ROBO2: variants seen among roughly 807,000 people sequenced by gnomAD.
ROBO2 encodes roundabout homolog 2.
Under a neutral mutation model 160.8 loss-of-function variants are expected in ROBO2, and 53 were observed. The observed-to-expected ratio is 0.33, with a 90% CI of 0.26 to 0.41. The LOEUF is 0.41. ROBO2 is among the 10% of genes least tolerant of loss of function. ROBO2 has a pLI of 1.00. For missense variants in ROBO2, 1,577 were observed against 1,722.4 expected, an observed-to-expected ratio of 0.92 and a Z score of 1.49; for synonymous variants, 664 against 611.7, an observed-to-expected ratio of 1.09 and a Z score of -1.26.
chr3:76,475,412 G>T (rs1345833312), intron 2 of ROBO2, among the ~76,000 whole-genome samples: 1 of 152,124 alleles, frequency 6.6e-6, no homozygotes, highest in African/African-American at 2.4e-5. Flanking sequence ...CCATGGTGAG[G>T]ATGTTGGATT....
chr3:76,634,809 C>CGCAGCAGGAGGTGA, intron 2 of ROBO2, among the ~76,000 whole-genome samples: 1 of 152,308 alleles, frequency 6.6e-6, no homozygotes, highest in Admixed American at 6.5e-5. Flanking sequence ...AACCTGGCCA[C>CGCAGCAGGAGGTGA]GCAGCAGGAG....
chr3:75,954,672 A>G (rs1423773510), intron 2 of ROBO2, among the ~76,000 whole-genome samples: 1 of 151,924 alleles, frequency 6.6e-6, no homozygotes, highest in African/African-American at 2.4e-5. Flanking sequence ...AAAGTTGTGT[A>G]CTGTACCTCT....
chr3:76,517,666 C>T (rs1656418547), intron 2 of ROBO2, among the ~76,000 whole-genome samples: 1 of 152,120 alleles, frequency 6.6e-6, no homozygotes, highest in Non-Finnish European at 1.5e-5. Context: ...TATTGCTATT[C>T]CTGTTTTATA....
chr3:76,139,679 T>C (rs1398594119), intron 2 of ROBO2, among the ~76,000 whole-genome samples: 1 of 152,032 alleles, frequency 6.6e-6, no homozygotes, highest in African/African-American at 2.4e-5. Flanking sequence ...TAAAAAGCAG[T>C]TATAAAACCT....
chr3:77,569,758 T>G lies in ROBO2; in HGVS notation c.1971+1324T>G, dbSNP rs182981405. Among the ~76,000 whole-genome samples, 811 of 152,046 alleles carry G rather than the reference T, an allele frequency of 5.3e-3. 5 individuals carry two copies. The highest frequency in any genetic ancestry group is 9.5e-3 in the Non-Finnish European group (644 of 67,928). ...CTATTCAGGCTTTTTTTGTTATTGT[T>G]CCATGTTGTTACTCCTTAAAGCAAA... On this transcript the variant is annotated intron_variant, in intron 13 of 25. Transcript: ENST00000461745.
At chr3:76,535,900 G>C (rs2082471441) in intron 2 of ROBO2, among the ~76,000 whole-genome samples, 1 of 152,172 alleles carries the variant, frequency 6.6e-6, no homozygotes, top group African/African-American at 2.4e-5. Flanking sequence ...CGAGGTGATT[G>C]GGCAGTGTCT....
intron 2 of ROBO2, among the ~76,000 whole-genome samples, chr3:76,145,793 A>C (rs1422581874): frequency 6.6e-6 from 1 of 152,066 alleles, no homozygotes; most frequent in Non-Finnish European, 1.5e-5. Context: ...AATTAGACAA[A>C]TCTGAATTGT....
intron 2 of ROBO2, among the ~76,000 whole-genome samples, chr3:76,346,278 C>T (rs35110326): frequency 0.39 from 58,680 of 150,052 alleles, 13,863 homozygotes; most frequent in South Asian, 0.53. Flanking sequence ...GACAGAGTCT[C>T]GCTCTGTTGC....
At position 77,448,638 on chromosome 3, in the gene ROBO2, G is replaced by T. The variant is rs1204436615; in HGVS notation, c.389-28776G>T. On this transcript the variant is annotated intron_variant, in intron 2 of 25. Transcript: ENST00000461745. Reference sequence around the variant, plus strand: ...TAGTCTGCGTACATTTCACTGCCTGGCACAGAGTATATATTAAGGAAAAAT... The same window carrying T: ...TAGTCTGCGTACATTTCACTGCCTGTCACAGAGTATATATTAAGGAAAAAT... Among the ~76,000 whole-genome samples, 4 of 150,726 alleles carry T rather than the reference G, an allele frequency of 2.7e-5. No individual in the cohort carries two copies. The Middle Eastern group carries it at 0.01, about 387-fold the overall frequency.
chr3:76,043,513 A>G (rs963553782), intron 2 of ROBO2, among the ~76,000 whole-genome samples: 3 of 149,510 alleles, frequency 2.0e-5, no homozygotes, highest in African/African-American at 7.4e-5. Context: ...TGTAAAGACC[A>G]TGGCTGGAGA....
At chr3:76,139,650 G>A (rs925127271) in intron 2 of ROBO2, among the ~76,000 whole-genome samples, 4 of 151,982 alleles carry the variant, frequency 2.6e-5, no homozygotes, top group Admixed American at 6.6e-5. Context: ...GTCTCTTCCA[G>A]CATCAAGCTC....
intron 2 of ROBO2, among the ~76,000 whole-genome samples, chr3:76,192,836 A>G (rs965035281): frequency 1.4e-4 from 22 of 151,990 alleles, no homozygotes; most frequent in African/African-American, 4.8e-4. Flanking sequence ...TCTTTCCTCC[A>G]CTTGACAGCC....
intron 2 of ROBO2, among the ~76,000 whole-genome samples, chr3:77,360,732 T>A (rs879699868): frequency 3.9e-5 from 6 of 152,076 alleles, no homozygotes; most frequent in Non-Finnish European, 8.8e-5. Flanking sequence ...AGTTTCAGGA[T>A]TCCTCTCCTC....
At chr3:76,316,686 A>G (rs1476588588) in intron 2 of ROBO2, among the ~76,000 whole-genome samples, 2 of 152,220 alleles carry the variant, frequency 1.3e-5, no homozygotes, top group Non-Finnish European at 2.9e-5. Context: ...TTATAAGAGT[A>G]TTATTTGGGA....
intron 2 of ROBO2, among the ~76,000 whole-genome samples, chr3:76,950,844 A>C (rs562244435): frequency 2.6e-5 from 4 of 152,270 alleles, no homozygotes; most frequent in South Asian, 4.1e-4. Flanking sequence ...CTCCTACCTC[A>C]GTCTCCTGAG....
intron 2 of ROBO2, among the ~76,000 whole-genome samples, chr3:77,190,862 T>C (rs907022056): frequency 6.6e-6 from 1 of 152,026 alleles, no homozygotes; most frequent in African/African-American, 2.4e-5. Flanking sequence ...AATTATAGAA[T>C]GATGTACAAG....
intron 2 of ROBO2, among the ~76,000 whole-genome samples, chr3:77,456,996 A>G (rs928523298): frequency 6.6e-6 from 1 of 152,186 alleles, no homozygotes; most frequent in Admixed American, 6.5e-5. Flanking sequence ...GTTGCTTTTC[A>G]GATAAACCTT....
intron 2 of ROBO2, among the ~76,000 whole-genome samples, chr3:76,153,392 T>A (rs1034545149): frequency 6.6e-6 from 1 of 152,184 alleles, no homozygotes; most frequent in Non-Finnish European, 1.5e-5. Flanking sequence ...TTAAGGATAA[T>A]CAAGTGAATG....
chr3:76,032,154 A>G, intron 2 of ROBO2, among the ~76,000 whole-genome samples: 1 of 152,136 alleles, frequency 6.6e-6, no homozygotes, highest in East Asian at 1.9e-4. Context: ...AGAGGTGTTT[A>G]TAGTATTCTC....
Sources: gnomAD v4.1 joint callset for allele counts (sites outside exome capture counted in the v4.1 genomes callset) on GRCh38, gnomAD v4.1.1 for gene constraint, MANE v1.5 for transcripts, NCBI Gene and HGNC (gene_info 2026-07-23, HGNC 2026-07-21) for gene names.